DNAH3: variants seen among roughly 807,000 people sequenced by gnomAD.
DNAH3 encodes the protein dynein axonemal heavy chain 3.
Under a neutral mutation model 432.5 loss-of-function variants are expected in DNAH3, and 332 were observed. The ratio of observed to expected loss-of-function variants is 0.77; its 90% CI spans 0.70 to 0.84. The LOEUF is 0.84. DNAH3 is among the 40% of genes least tolerant of loss of function. DNAH3 has a pLI of 0.00. For missense variants in DNAH3, 4,861 were observed against 5,114.0 expected (o/e 0.95, Z 1.51); for synonymous variants, 1,956 against 1,900.2 (o/e 1.03, Z -0.76).
In DNAH3 at chr16:21,016,780, ATAAAC is replaced by A. The variant is rs1424261856; in HGVS notation, c.6022+2839_6022+2843del. ...CAAGGATCCACTGACAGATGAATGGATAAACAAAACGTGGTGTATACATGAAATGG... is the reference window on the plus strand; with the variant it reads ...CAAGGATCCACTGACAGATGAATGGAAAAACGTGGTGTATACATGAAATGG... On this transcript the variant is annotated intron_variant, in intron 41 of 61. Coordinates refer to ENST00000261383, the Ensembl canonical transcript of DNAH3. Among the ~76,000 whole-genome samples, 3 of 152,380 alleles carry A rather than the reference ATAAAC, an allele frequency of 2.0e-5. No homozygotes were observed. The East Asian group carries it at 5.8e-4, about 29-fold the overall frequency.
intron 32 of DNAH3, among the ~76,000 whole-genome samples, chr16:21,040,145 G>A (rs1169379818): frequency 6.6e-6 from 1 of 152,020 alleles, no homozygotes; most frequent in African/African-American, 2.4e-5. Flanking sequence ...CTCCCCACTG[G>A]CCCTATGCGG....
intron 1 of DNAH3, among the ~76,000 whole-genome samples, chr16:21,147,260 C>A (rs2092797639): frequency 6.6e-6 from 1 of 151,496 alleles, no homozygotes; most frequent in Non-Finnish European, 1.5e-5. Context: ...CACTCTGTCA[C>A]CCAGGCTAGA....
exon 61 of DNAH3, chr16:20,935,375 G>T: frequency 6.2e-7 from 1 of 1,613,974 alleles, no homozygotes; most frequent in South Asian, 1.1e-5. Context: ...TGTGGTCAAT[G>T]GGGATGGTAT....
chr16:21,040,074 C>T, intron 32 of DNAH3, 131 bp from the exon 33 acceptor site: 1 of 765,932 alleles, frequency 1.3e-6, no homozygotes, highest in Non-Finnish European at 2.2e-6. Context: ...GCAAGAAGGA[C>T]TGGGGGACAA....
rs72780868 is a variant in DNAH3, at chr16:21,113,252, T to C, written c.1815-1154A>G. Among the ~76,000 whole-genome samples, 1,331 of 152,262 alleles carry C rather than the reference T, an allele frequency of 8.7e-3. 15 individuals carry two copies. The highest frequency in any genetic ancestry group is 0.02 in the Middle Eastern group (6 of 294). ...AGGGACCCAGGGGGAGGTAGTTGAA[T>C]CATAGGGCTGGTTTTTTCCCATGTT... is the stretch of plus-strand genomic sequence containing the variant. On this transcript the variant is annotated intron_variant, in intron 12 of 61. Coordinates refer to ENST00000261383, the Ensembl canonical transcript of DNAH3.
rs112303811 is a variant in DNAH3, at chr16:20,966,381, G to A, written c.8459-956C>T. Among the ~76,000 whole-genome samples, 20 of 151,226 alleles carry A rather than the reference G, an allele frequency of 1.3e-4. 1 individual carries two copies. Among genetic ancestry groups the A allele is most frequent in the African/African-American group, 4.9e-4 (20 of 41,188 alleles). On this transcript the variant is annotated intron_variant, in intron 52 of 61. Coordinates refer to ENST00000261383, the Ensembl canonical transcript of DNAH3. ...GTATTTTTTATAGAGATGAGGTTTC[G>A]CCATGTTGCCCAGGCTGGAGGCCTC...
At position 20,936,629 on chromosome 16, in the gene DNAH3, T is replaced by C. The variant is rs76607491; in HGVS notation, c.11859+20A>G. The C allele has an allele frequency of 2.5e-3, 3,869 of 1,571,704 alleles. 95 individuals carry two copies. In the African/African-American group the frequency reaches 0.047, roughly 19 times the overall value. On this transcript the variant is annotated intron_variant, in intron 60 of 61. Transcript: ENST00000261383. ...TAAGCAAGCATGCCAGGTTCCCGGT[T>C]ACCCCTGACTCCCAGGTACCTGGAA...
intron 40 of DNAH3, among the ~76,000 whole-genome samples, chr16:21,021,587 G>C (rs1440889617): frequency 6.6e-6 from 1 of 151,956 alleles, no homozygotes; most frequent in Non-Finnish European, 1.5e-5. Flanking sequence ...TAATTCAATG[G>C]GGGCCAAAGA....
intron 16 of DNAH3, 95 bp downstream of exon 16, chr16:21,104,376 T>C: frequency 1.9e-6 from 2 of 1,055,384 alleles, no homozygotes; most frequent in East Asian, 2.4e-5. Flanking sequence ...TGCCATGGAG[T>C]GAGCTGGGGG....
intron 27 of DNAH3, among the ~76,000 whole-genome samples, chr16:21,057,714 G>A (rs2090184320): frequency 6.6e-6 from 1 of 152,170 alleles, no homozygotes; most frequent in South Asian, 2.1e-4. Flanking sequence ...GAGTAGGGGT[G>A]ATGAGAAGGA....
At chr16:21,009,982 A>G (rs1449239484) in intron 41 of DNAH3, among the ~76,000 whole-genome samples, 3 of 151,704 alleles carry the variant, frequency 2.0e-5, no homozygotes, top group African/African-American at 4.8e-5. Context: ...AGAAGAGAAG[A>G]GAAAAGATTT....
chr16:21,069,523 C>T (rs1431906408), exon 23 of DNAH3: 2 of 1,613,898 alleles, frequency 1.2e-6, no homozygotes, highest in Middle Eastern at 1.6e-4. Flanking sequence ...GTTCCAGGTA[C>T]AGCCAGGTGG....
chr16:20,986,548 G>A (rs1259170548), intron 47 of DNAH3, among the ~76,000 whole-genome samples: 4 of 152,118 alleles, frequency 2.6e-5, no homozygotes, highest in Non-Finnish European at 1.5e-5. Flanking sequence ...GGACATTAGA[G>A]TATGAACGCT....
At position 20,985,676 on chromosome 16, in the gene DNAH3, C is replaced by T. The variant is rs1283543444; in HGVS notation, c.7066G>A (p.Asp2356Asn). 6.2e-6 allele frequency: 10 copies of T among 1,614,082 alleles called. No homozygotes were observed. The highest frequency in any genetic ancestry group is 2.2e-5 in the East Asian group (1 of 44,878). ...CCAAAGAAGAGGCTTCGAATGTTAT[C>T]ATCGACTATCTTTCCAGTGGGTGAC... Residue 2356 changes from aspartate (D) to asparagine (N), a missense_variant, in exon 48 of 62, where the codon GAT (aspartate) becomes AAT (asparagine). Asp to Asn is a conservative substitution (Grantham distance 23). Coordinates refer to ENST00000261383, the Ensembl canonical transcript of DNAH3.
intron 16 of DNAH3, among the ~76,000 whole-genome samples, chr16:21,099,063 T>C (rs989542844): frequency 1.3e-5 from 2 of 152,234 alleles, no homozygotes; most frequent in Non-Finnish European, 2.9e-5. Flanking sequence ...ATAAGATATA[T>C]GTACACGTAT....
intron 35 of DNAH3, among the ~76,000 whole-genome samples, chr16:21,036,493 C>T (rs918771788): frequency 2.0e-5 from 3 of 151,980 alleles, no homozygotes; most frequent in Admixed American, 2.0e-4. Flanking sequence ...TAGCCCACTG[C>T]AGCCTCGAAC....
chr16:20,972,124 A>T (rs3115436), intron 51 of DNAH3, among the ~76,000 whole-genome samples: 22,798 of 152,206 alleles, frequency 0.15, 1,856 homozygotes, highest in African/African-American at 0.2. Flanking sequence ...TTAATACCGA[A>T]GATGAGTGCA....
intron 18 of DNAH3, 76 bp from the exon 19 acceptor site, chr16:21,087,136 T>TA: frequency 8.1e-7 from 1 of 1,239,168 alleles, no homozygotes; most frequent in South Asian, 1.2e-5. Flanking sequence ...TCCCTGAACT[T>TA]AGAGCTGTGC....
intron 6 of DNAH3, 60 bp from the exon 8 acceptor site, chr16:21,134,514 C>T (rs1259182072): frequency 5.4e-6 from 8 of 1,486,024 alleles, no homozygotes; most frequent in Non-Finnish European, 7.3e-6. Context: ...CTCTTAGCTT[C>T]AACTCATTTA....
Sources: allele counts gnomAD v4.1 joint callset (sites outside exome capture counted in the v4.1 genomes callset), GRCh38; gene constraint gnomAD v4.1.1; transcripts MANE v1.5; gene names NCBI Gene and HGNC (gene_info 2026-07-23, HGNC 2026-07-21).